Variants in LRP1B observed in about 807,000 individuals in gnomAD.
LRP1B encodes the protein low-density lipoprotein receptor-related protein 1B.
Under a neutral mutation model 556.6 loss-of-function variants are expected in LRP1B, and 217 were observed. The ratio of observed to expected loss-of-function variants is 0.39; its 90% CI spans 0.35 to 0.44. The LOEUF (loss-of-function observed/expected upper bound fraction) is 0.44, where lower values mean the gene tolerates loss of function less well. LRP1B is among the 20% of genes least tolerant of loss of function. The pLI, the probability that LRP1B is intolerant of heterozygous loss-of-function variation, is 1.00. For missense variants in LRP1B, 5,053 were observed against 5,620.8 expected, an observed-to-expected ratio of 0.90 and a Z score of 3.23; for synonymous variants, 2,047 against 1,865.8, an observed-to-expected ratio of 1.10 and a Z score of -2.50.
chr2:141,078,944 C>T (rs1409766224), intron 7 of LRP1B, among the ~76,000 whole-genome samples: 1 of 152,080 alleles, frequency 6.6e-6, no homozygotes, highest in African/African-American at 2.4e-5. Context: ...ATAATAGAGA[C>T]CTAGGGAGAT....
chr2:141,305,070 T>C (rs1467200902), intron 3 of LRP1B, among the ~76,000 whole-genome samples: 1 of 152,190 alleles, frequency 6.6e-6, no homozygotes, highest in South Asian at 2.1e-4. Flanking sequence ...TATTTTGTTG[T>C]TATTGTTGTT....
chr2:140,957,452 A>C (rs929378365), intron 18 of LRP1B, among the ~76,000 whole-genome samples: 4 of 151,666 alleles, frequency 2.6e-5, no homozygotes, highest in African/African-American at 7.2e-5. Context: ...AAGTATTAGA[A>C]AGTCAAAGAG....
intron 20 of LRP1B, among the ~76,000 whole-genome samples, chr2:140,935,586 G>A (rs1251927552): frequency 6.6e-6 from 1 of 152,044 alleles, no homozygotes; most frequent in Non-Finnish European, 1.5e-5. Context: ...TCCAGAAGGA[G>A]GAGGAAGGGA....
chr2:141,009,197 T>C (rs1697667859), intron 14 of LRP1B, among the ~76,000 whole-genome samples: 1 of 151,822 alleles, frequency 6.6e-6, no homozygotes, highest in African/African-American at 2.4e-5. Flanking sequence ...CTCTTTTTTT[T>C]TTTTCTAACT....
intron 50 of LRP1B, among the ~76,000 whole-genome samples, chr2:140,516,324 C>A (rs1245168599): frequency 1.3e-5 from 2 of 151,702 alleles, no homozygotes; most frequent in African/African-American, 4.8e-5. Flanking sequence ...TACAATAAAA[C>A]AATAATTAAC....
chr2:141,263,076 C>G (rs938320946), intron 3 of LRP1B, among the ~76,000 whole-genome samples: 3 of 151,438 alleles, frequency 2.0e-5, no homozygotes, highest in Non-Finnish European at 4.4e-5. Context: ...TCATGAGTTC[C>G]CTGCATATAG....
At chr2:142,053,919 G>C (rs1443908040) in intron 1 of LRP1B, among the ~76,000 whole-genome samples, 4 of 152,072 alleles carry the variant, frequency 2.6e-5, no homozygotes, top group Non-Finnish European at 5.9e-5. Context: ...ATACATAATT[G>C]GGAGCTCTGT....
chr2:140,939,328 A>C (rs1045126155), intron 20 of LRP1B, among the ~76,000 whole-genome samples: 2 of 151,854 alleles, frequency 1.3e-5, no homozygotes, highest in East Asian at 3.9e-4. Context: ...TAAATGAAGA[A>C]AAAGCCAAAG....
intron 3 of LRP1B, among the ~76,000 whole-genome samples, chr2:141,281,592 A>G (rs1377855182): frequency 3.3e-5 from 5 of 152,082 alleles, no homozygotes; most frequent in African/African-American, 1.2e-4. Context: ...TATCTCAAGC[A>G]GGTTTTTCAA....
chr2:140,237,956 T>C (rs113550575), intron 89 of LRP1B, among the ~76,000 whole-genome samples, 196 bp downstream of exon 89: 4 of 150,850 alleles, frequency 2.7e-5, no homozygotes, highest in African/African-American at 4.8e-5. Flanking sequence ...TTCTAAGATG[T>C]GTTACACTCA....
intron 1 of LRP1B, among the ~76,000 whole-genome samples, chr2:141,826,552 T>G (rs552069): frequency 0.21 from 31,591 of 151,564 alleles, 3,385 homozygotes; most frequent in East Asian, 0.32. Context: ...GTAGAGACAG[T>G]GTTTCACCAT....
chr2:141,615,648 A>T (rs1038365985), intron 2 of LRP1B, among the ~76,000 whole-genome samples: 1 of 152,184 alleles, frequency 6.6e-6, no homozygotes, highest in Admixed American at 6.5e-5. Flanking sequence ...TACAATAGAT[A>T]AACTAATATA....
intron 72 of LRP1B, among the ~76,000 whole-genome samples, chr2:140,359,652 G>T (rs1449889294): frequency 1.3e-5 from 2 of 151,480 alleles, no homozygotes; most frequent in African/African-American, 2.4e-5. Context: ...TTGTTCCCCT[G>T]ATGTTCTCAC....
chr2:140,928,944 G>T (rs1694967098), intron 20 of LRP1B, among the ~76,000 whole-genome samples: 1 of 152,064 alleles, frequency 6.6e-6, no homozygotes, highest in Non-Finnish European at 1.5e-5. Context: ...AGGTAGGTAG[G>T]GGTGACTCTT....
chr2:140,679,552 A>C (rs1044718478), intron 41 of LRP1B, among the ~76,000 whole-genome samples: 5 of 152,236 alleles, frequency 3.3e-5, no homozygotes, highest in Non-Finnish European at 7.3e-5. Flanking sequence ...AAACATAATG[A>C]GTACATTTAG....
At chr2:141,548,383 G>T (rs1398650155) in intron 2 of LRP1B, among the ~76,000 whole-genome samples, 3 of 152,210 alleles carry the variant, frequency 2.0e-5, no homozygotes, top group Non-Finnish European at 2.9e-5. Flanking sequence ...TATGTTTCCA[G>T]AAGCATGTGC....
In LRP1B at chr2:141,264,932, G is replaced by A. The variant is rs561502097; in HGVS notation, c.344-10291C>T. On this transcript the variant is annotated intron_variant, in intron 3 of 90. Transcript: ENST00000389484. ...TCAACCTTGGAAGAGCTGTCTTGGA[G>A]GCAGGCAGGGCCGGAGCCCCAGATA... 1.1e-4 allele frequency among the ~76,000 whole-genome samples: 17 copies of A among 152,306 alleles called. No individual in the cohort carries two copies. In the South Asian group the frequency reaches 3.5e-3, roughly 32 times the overall value.
intron 35 of LRP1B, 73 bp downstream of exon 35, chr2:140,769,140 G>T (rs921593386): frequency 5.8e-6 from 8 of 1,376,050 alleles, no homozygotes; most frequent in Middle Eastern, 1.8e-4. Context: ...CAGAGGAAAA[G>T]ATTGTATTCC....
intron 2 of LRP1B, among the ~76,000 whole-genome samples, chr2:141,730,068 C>T (rs1386421829): frequency 6.6e-6 from 1 of 152,094 alleles, no homozygotes; most frequent in Non-Finnish European, 1.5e-5. Context: ...GAACTGTGGG[C>T]GAGCATTTGA....
Sources: allele counts gnomAD v4.1 joint callset (sites outside exome capture counted in the v4.1 genomes callset), GRCh38; gene constraint gnomAD v4.1.1; transcripts MANE v1.5; gene names NCBI Gene and HGNC (gene_info 2026-07-23, HGNC 2026-07-21).